EFNA5: variants seen among roughly 807,000 people sequenced by gnomAD.
The protein encoded by EFNA5 is ephrin-A5.
In EFNA5, 5 loss-of-function variants were observed where a neutral mutation model predicts 22.9. The observed-to-expected ratio is 0.22, with a 90% CI of 0.11 to 0.46. EFNA5 has a LOEUF of 0.46. Ranked by LOEUF, EFNA5 falls within the 20% of genes least tolerant of loss-of-function variation. EFNA5 has a pLI of 0.99. For synonymous variants in EFNA5, 113 were observed against 112.2 expected (o/e 1.01, Z -0.04); for missense variants, 237 against 293.3 (o/e 0.81, Z 1.40).
rs563467436 is a variant in EFNA5, at chr5:107,416,620, C to A, written c.418+10597G>T. ...TTACAACCATCAGAACAAGTGTTAC[C>A]GGAGGAGTTATTAGTTAAAGCATGA... is the stretch of plus-strand genomic sequence containing the variant. On this transcript the variant is annotated intron_variant, in intron 2 of 4. Coordinates refer to ENST00000333274, the MANE Select transcript of EFNA5 (RefSeq NM_001962.3). Among the ~76,000 whole-genome samples the A allele has an allele frequency of 1.1e-3, 162 of 152,246 alleles. 1 individual carries two copies. Among genetic ancestry groups the A allele is most frequent in the Non-Finnish European group, 1.8e-3 (122 of 68,010 alleles).
intron 1 of EFNA5, among the ~76,000 whole-genome samples, chr5:107,486,439 A>G (rs26238): frequency 6.6e-6 from 1 of 152,178 alleles, no homozygotes; most frequent in Admixed American, 6.5e-5. Context: ...AATTCTAAAA[A>G]AAAATGCATA....
At chr5:107,499,728 C>G (rs1482546879) in intron 1 of EFNA5, among the ~76,000 whole-genome samples, 1 of 152,146 alleles carries the variant, frequency 6.6e-6, no homozygotes, top group East Asian at 1.9e-4. Flanking sequence ...GCTATTTTCC[C>G]TAAACAATTC....
chr5:107,545,610 A>C (rs1748130471), intron 1 of EFNA5, among the ~76,000 whole-genome samples: 1 of 152,172 alleles, frequency 6.6e-6, no homozygotes, highest in Admixed American at 6.5e-5. Context: ...TTAATTACTT[A>C]AGCCAAGGTC....
chr5:107,486,034 C>A (rs1446479757), intron 1 of EFNA5, among the ~76,000 whole-genome samples: 1 of 152,142 alleles, frequency 6.6e-6, no homozygotes, highest in Non-Finnish European at 1.5e-5. Flanking sequence ...GGTAAATGTG[C>A]AATTTTCACT....
At chr5:107,562,785 T>C (rs371464054) in intron 1 of EFNA5, among the ~76,000 whole-genome samples, 3 of 152,366 alleles carry the variant, frequency 2.0e-5, no homozygotes, top group South Asian at 2.1e-4. Flanking sequence ...CTTCCTTTTA[T>C]ACATTTAATA....
chr5:107,615,508 TCAGA>T (rs1415185815), intron 1 of EFNA5, among the ~76,000 whole-genome samples: 1 of 152,170 alleles, frequency 6.6e-6, no homozygotes, highest in Non-Finnish European at 1.5e-5. Context: ...GCCTTTGCAG[TCAGA>T]CAGTCATTTA....
intron 2 of EFNA5, among the ~76,000 whole-genome samples, chr5:107,399,230 T>G (rs1748014020): frequency 6.6e-6 from 1 of 150,980 alleles, no homozygotes; most frequent in South Asian, 2.1e-4. Context: ...GGCGGGCAGA[T>G]CACCTGAGGG....
rs561751116 is a variant in EFNA5 at position 107,439,344 on chromosome 5, A to T, written c.126-11835T>A. On this transcript the variant is annotated intron_variant, in intron 1 of 4. Transcript: ENST00000333274. ...CTAGCCTCCAAAACTGTGAGAAAAT[A>T]AATCTCTGTTGTTTAAGCCACAGGG... is the stretch of plus-strand genomic sequence containing the variant. 3.2e-3 allele frequency among the ~76,000 whole-genome samples: 481 copies of T among 152,326 alleles called. 2 individuals are homozygous for T. The highest frequency in any genetic ancestry group is 0.011 in the African/African-American group (463 of 41,568).
At chr5:107,649,664 T>C (rs1750690385) in intron 1 of EFNA5, among the ~76,000 whole-genome samples, 1 of 152,188 alleles carries the variant, frequency 6.6e-6, no homozygotes, top group South Asian at 2.1e-4. Flanking sequence ...ACTCTAAAGT[T>C]AGACTATGCT....
chr5:107,493,394 C>A (rs1411106949), intron 1 of EFNA5, among the ~76,000 whole-genome samples: 2 of 152,014 alleles, frequency 1.3e-5, no homozygotes, highest in Non-Finnish European at 2.9e-5. Context: ...TGAATGTGTG[C>A]GGTAACTGCA....
At chr5:107,408,180 C>T (rs975337930) in intron 2 of EFNA5, among the ~76,000 whole-genome samples, 1 of 152,078 alleles carries the variant, frequency 6.6e-6, no homozygotes, top group Non-Finnish European at 1.5e-5. Flanking sequence ...CACACACACA[C>T]ACACACACCC....
chr5:107,496,362 C>CA (rs967713711), intron 1 of EFNA5, among the ~76,000 whole-genome samples: 3 of 119,294 alleles, frequency 2.5e-5, no homozygotes, highest in African/African-American at 9.9e-5. Flanking sequence ...AACAAAAAAA[C>CA]AAAAAACAAC....
At position 107,631,256 on chromosome 5, in the gene EFNA5, AACACACACACACACACAC is replaced by A. The variant is rs10616989; in HGVS notation, c.125+39215_125+39232del. On this transcript the variant is annotated intron_variant, in intron 1 of 4. Coordinates refer to ENST00000333274, the MANE Select transcript of EFNA5 (RefSeq NM_001962.3). Reference sequence around the variant, plus strand: ...CATTGTTACATAGGGCCTGACTACAAACACACACACACACACACACACACACACACACACTCTCTGTCT... The same window carrying A: ...CATTGTTACATAGGGCCTGACTACAAACACACACACACACACTCTCTGTCT... Among the ~76,000 whole-genome samples, 971 of 145,756 alleles carry A rather than the reference AACACACACACACACACAC, an allele frequency of 6.7e-3. 9 individuals carry two copies. Among genetic ancestry groups the A allele is most frequent in the African/African-American group, 0.024 (944 of 39,098 alleles).
intron 1 of EFNA5, among the ~76,000 whole-genome samples, chr5:107,655,063 T>C (rs1000863320): frequency 6.6e-6 from 1 of 151,332 alleles, no homozygotes; most frequent in Non-Finnish European, 1.5e-5. Flanking sequence ...CTTTGGCTGA[T>C]ATTCTTTAAC....
chr5:107,423,684 T>C (rs980250454), intron 2 of EFNA5, among the ~76,000 whole-genome samples: 3 of 152,232 alleles, frequency 2.0e-5, no homozygotes, highest in African/African-American at 7.2e-5. Context: ...ATTACTTTAG[T>C]ATGCCAATCT....
At chr5:107,437,922 A>G (rs2283) in intron 1 of EFNA5, among the ~76,000 whole-genome samples, 56,144 of 152,158 alleles carry the variant, frequency 0.37, 10,579 homozygotes, top group East Asian at 0.53. Flanking sequence ...ATTATGCCTA[A>G]CCAAGTAGAC....
rs1747443391 is a variant in EFNA5, at chr5:107,381,090, C to T, written c.*165G>A. The T allele has an allele frequency of 9.4e-7, 1 of 1,069,146 alleles. No homozygotes were observed. Among genetic ancestry groups the T allele is most frequent in the Admixed American group, 2.8e-5 (1 of 35,918 alleles). 66.2% of individuals were successfully genotyped at this position (1,069,146 alleles called of 1,614,324 possible). A position where few individuals can be genotyped will look rare whatever the true frequency, so the allele number is the denominator to read the frequency against. ...GGAGGCAGGAACAAGTTTAGGCCCC[C>T]AACCTGAAGTTGTTGCTTAGAATTC... On this transcript the variant is annotated 3_prime_UTR_variant, in exon 5 of 5. Coordinates refer to ENST00000333274, the MANE Select transcript of EFNA5 (RefSeq NM_001962.3).
chr5:107,517,034 C>A (rs1747494741), intron 1 of EFNA5, among the ~76,000 whole-genome samples: 1 of 151,866 alleles, frequency 6.6e-6, no homozygotes, highest in Non-Finnish European at 1.5e-5. Flanking sequence ...TTCTAGAATA[C>A]ACACGTCATA....
intron 1 of EFNA5, among the ~76,000 whole-genome samples, chr5:107,435,223 T>C (rs1361237176): frequency 6.6e-6 from 1 of 152,046 alleles, no homozygotes; most frequent in Non-Finnish European, 1.5e-5. Flanking sequence ...CAGTCTCTGT[T>C]GTATAACATG....
Sources: gnomAD v4.1 joint callset for allele counts (sites outside exome capture counted in the v4.1 genomes callset) on GRCh38, gnomAD v4.1.1 for gene constraint, MANE v1.5 for transcripts, NCBI Gene and HGNC (gene_info 2026-07-23, HGNC 2026-07-21) for gene names.